FSTL4: variants seen among roughly 807,000 people sequenced by gnomAD.
FSTL4 encodes the protein follistatin-related protein 4.
Under a neutral mutation model 78.2 loss-of-function variants are expected in FSTL4, and 28 were observed. The ratio of observed to expected loss-of-function variants is 0.36; its 90% CI spans 0.27 to 0.49. The LOEUF is 0.49. FSTL4 is among the 20% of genes least tolerant of loss of function. FSTL4 has a pLI of 0.98. For synonymous variants in FSTL4, 422 were observed against 440.5 expected (o/e 0.96, Z 0.53); for missense variants, 922 against 1,084.9 (o/e 0.85, Z 2.11).
chr5:133,706,637 AC>A, the FSTL4 span, among the ~76,000 whole-genome samples: 3 of 152,298 alleles, frequency 2.0e-5, no homozygotes, highest in East Asian at 5.8e-4. Context: ...TGTTTCATCC[AC>A]CCTTTACTGT....
At chr5:133,271,761 T>C (rs1752770028) in intron 6 of FSTL4, among the ~76,000 whole-genome samples, 1 of 152,226 alleles carries the variant, frequency 6.6e-6, no homozygotes. Context: ...ATGAAAGATT[T>C]ATACAATCAG....
chr5:133,628,683 G>C, the FSTL4 span, among the ~76,000 whole-genome samples: 1 of 151,838 alleles, frequency 6.6e-6, no homozygotes, highest in Non-Finnish European at 1.5e-5. Flanking sequence ...TTTTTGAAAG[G>C]ATTAGCTAAA....
chr5:133,724,561 A>AT, the FSTL4 span, among the ~76,000 whole-genome samples: 731 of 152,142 alleles, frequency 4.8e-3, 4 homozygotes, highest in Non-Finnish European at 7.4e-3. Context: ...CTTTTTACCC[A>AT]TTTTTTAAAT....
At chr5:133,762,502 C>G in the FSTL4 span, among the ~76,000 whole-genome samples, 1 of 152,170 alleles carries the variant, frequency 6.6e-6, no homozygotes, top group Non-Finnish European at 1.5e-5. Context: ...GTGTCCTGGC[C>G]CTGTATATCA....
chr5:133,330,545 C>A (rs1754320547), intron 4 of FSTL4, among the ~76,000 whole-genome samples: 1 of 152,180 alleles, frequency 6.6e-6, no homozygotes, highest in African/African-American at 2.4e-5. Flanking sequence ...AATCCCACCC[C>A]CATGATCCAA....
chr5:133,517,447 A>AAAAAAAAAATATATACATATAT (rs1554068019), intron 3 of FSTL4, among the ~76,000 whole-genome samples: 1 of 16,416 alleles, frequency 6.1e-5, no homozygotes, highest in African/African-American at 2.8e-4. Context: ...AAAAAAAAAA[A>AAAAAAAAAATATATACATATAT]ATATATATAT....
chr5:133,208,536 A>G (rs933695185), intron 14 of FSTL4, among the ~76,000 whole-genome samples: 4 of 152,208 alleles, frequency 2.6e-5, no homozygotes, highest in African/African-American at 9.6e-5. Context: ...CCGTTCTAAT[A>G]GTTATCTTTT....
chr5:133,240,306 C>G (rs73788007), intron 7 of FSTL4, among the ~76,000 whole-genome samples: 1 of 152,190 alleles, frequency 6.6e-6, no homozygotes, highest in Non-Finnish European at 1.5e-5. Flanking sequence ...ACATAATAGA[C>G]GGACTTGCCA....
the FSTL4 span, among the ~76,000 whole-genome samples, chr5:133,787,766 T>C: frequency 6.6e-6 from 1 of 152,208 alleles, no homozygotes; most frequent in African/African-American, 2.4e-5. Context: ...AGCCCCAGCC[T>C]GTGCTCACTC....
chr5:133,789,891 C>T, the FSTL4 span, among the ~76,000 whole-genome samples: 3 of 152,176 alleles, frequency 2.0e-5, no homozygotes, highest in Admixed American at 6.5e-5. Context: ...TCTTCAGAGG[C>T]CCCATCTCCA....
At chr5:133,618,227 T>TATCTTCCTCTC in the FSTL4 span, among the ~76,000 whole-genome samples, 1 of 152,202 alleles carries the variant, frequency 6.6e-6, no homozygotes, top group African/African-American at 2.4e-5. Flanking sequence ...ATGATATATA[T>TATCTTCCTCTC]ATCTTCCTCT....
At chr5:133,222,027 T>G (rs929464425) in intron 11 of FSTL4, among the ~76,000 whole-genome samples, 5 of 151,766 alleles carry the variant, frequency 3.3e-5, no homozygotes, top group Middle Eastern at 3.4e-3. Flanking sequence ...TTTACTTTTT[T>G]CCAACAACTC....
At chr5:133,721,696 T>A in the FSTL4 span, among the ~76,000 whole-genome samples, 2 of 152,216 alleles carry the variant, frequency 1.3e-5, no homozygotes, top group African/African-American at 4.8e-5. Flanking sequence ...TTCCTCTTGC[T>A]GCTTTTAAAA....
At chr5:133,231,838 C>T (rs185042126) in intron 8 of FSTL4, among the ~76,000 whole-genome samples, 1 of 152,338 alleles carries the variant, frequency 6.6e-6, no homozygotes, top group Non-Finnish European at 1.5e-5. Context: ...GCACACCGGC[C>T]TCATTTTCTC....
the FSTL4 span, among the ~76,000 whole-genome samples, chr5:133,786,241 T>C: frequency 6.6e-6 from 1 of 152,196 alleles, no homozygotes. Flanking sequence ...GCCAGGCCTG[T>C]ATCCTGGACC....
Position 133,198,058 on chromosome 5 carries a change from T to C in FSTL4, c.*1037A>G, listed in dbSNP as rs1365136226. The C allele has an allele frequency of 1.3e-5, 2 of 152,636 alleles. No homozygotes were observed. Among genetic ancestry groups the C allele is most frequent in the Admixed American group, 6.5e-5 (1 of 15,270 alleles). 9.5% of individuals were successfully genotyped at this position (152,636 alleles called of 1,614,324 possible). A position where few individuals can be genotyped will look rare whatever the true frequency, so the allele number is the denominator to read the frequency against. ...GGGCCACAGGTAGGAAAACAAAATC[T>C]GTTTTGAAAAGGTATAGCTTCAGGA... On this transcript the variant is annotated 3_prime_UTR_variant, in exon 16 of 16. Coordinates refer to ENST00000265342, the MANE Select transcript of FSTL4 (RefSeq NM_015082.2).
At chr5:133,633,167 G>A in the FSTL4 span, among the ~76,000 whole-genome samples, 9 of 152,122 alleles carry the variant, frequency 5.9e-5, no homozygotes, top group Non-Finnish European at 5.9e-5. Flanking sequence ...CCTTGAATGT[G>A]TAGATTGAGT....
chr5:133,722,676 T>C, the FSTL4 span, among the ~76,000 whole-genome samples: 2 of 152,230 alleles, frequency 1.3e-5, no homozygotes, highest in Admixed American at 6.5e-5. Flanking sequence ...TTCTTATTTC[T>C]TGTGTCCCTG....
chr5:133,454,433 T>TGCAC (rs1322577113), intron 3 of FSTL4, among the ~76,000 whole-genome samples: 1 of 152,192 alleles, frequency 6.6e-6, no homozygotes, highest in Non-Finnish European at 1.5e-5. Flanking sequence ...ATGGTGGGTT[T>TGCAC]GCACCAGCGA....
Sources: allele counts gnomAD v4.1 joint callset (sites outside exome capture counted in the v4.1 genomes callset), GRCh38; gene constraint gnomAD v4.1.1; transcripts MANE v1.5; gene names NCBI Gene and HGNC (gene_info 2026-07-23, HGNC 2026-07-21).